Variants in ATG16L2 observed in about 807,000 individuals in gnomAD.
ATG16L2 encodes the protein protein Atg16l2.
ATG16L2 carries 77 observed loss-of-function variants against 84.7 expected under a neutral mutation model. The observed-to-expected ratio is 0.91, with a 90% CI of 0.76 to 1.10. The LOEUF (loss-of-function observed/expected upper bound fraction) is 1.10, where lower values mean the gene tolerates loss of function less well. ATG16L2 is among the 50% of genes least tolerant of loss of function. The pLI is 0.00. For synonymous variants in ATG16L2, 361 were observed against 342.8 expected, an observed-to-expected ratio of 1.05 and a Z score of -0.59; for missense variants, 782 against 817.6, an observed-to-expected ratio of 0.96 and a Z score of 0.53.
In ATG16L2 at chr11:72,822,001, G is replaced by A; in HGVS notation, c.393-43G>A. ...AGGCATATTCCCACTGGGCAGTGAC[G>A]GGGGAAGCTTGGGACCCGCTATCCG... On this transcript the variant is annotated intron_variant, in intron 4 of 17. Coordinates refer to ENST00000321297, the MANE Select transcript of ATG16L2 (RefSeq NM_033388.2). The surrounding 1 kb of genome is among the most constrained non-coding windows in gnomAD (Gnocchi z 4.2). 1 of 1,467,566 alleles carries A rather than the reference G, an allele frequency of 6.8e-7. No homozygotes were observed. Among genetic ancestry groups the A allele is most frequent in the Non-Finnish European group, 8.9e-7 (1 of 1,122,012 alleles). 90.9% of individuals were successfully genotyped at this position (1,467,566 alleles called of 1,614,324 possible).
chr11:72,816,681 G>A, intron 1 of ATG16L2, 47 bp from the exon 2 acceptor site: 1 of 1,476,510 alleles, frequency 6.8e-7, no homozygotes, highest in South Asian at 1.1e-5. Context: ...CCAGGGGGCT[G>A]CTGGGTATCT....
chr11:72,833,945 T>TC (rs397954866), downstream of ATG16L2, among the ~76,000 whole-genome samples: 6 of 150,944 alleles, frequency 4.0e-5, no homozygotes, highest in East Asian at 3.9e-4. Flanking sequence ...TTTTTTTTTT[T>TC]CAGGAAAATA....
At chr11:72,842,865 T>C (rs1377011341) in exon 6 of ATG16L2, 1 of 1,587,836 alleles carries the variant, frequency 6.3e-7, no homozygotes, top group Admixed American at 1.7e-5. Flanking sequence ...GAAAAACAAA[T>C]CTGGTAAGAT....
At chr11:72,819,847 G>A (rs1022240637) in intron 3 of ATG16L2, among the ~76,000 whole-genome samples, 2 of 151,888 alleles carry the variant, frequency 1.3e-5, no homozygotes, top group Non-Finnish European at 2.9e-5. Context: ...CCGGGTTCAC[G>A]CCATTCTCCT....
intron 5 of ATG16L2, among the ~76,000 whole-genome samples, chr11:72,834,665 C>G (rs192083168): frequency 6.7e-4 from 102 of 152,134 alleles, no homozygotes; most frequent in African/African-American, 2.4e-3. Context: ...TCACCGCAAC[C>G]TCTGCCTCCT....
chr11:72,829,660 C>T (rs1191850775), downstream of ATG16L2: 3 of 1,238,704 alleles, frequency 2.4e-6, no homozygotes, highest in Non-Finnish European at 3.1e-6. Flanking sequence ...CTCTTTGCAG[C>T]ATTCATGGTA....
At chr11:72,829,227 CCAG>C in intron 17 of ATG16L2, 73 bp from the exon 18 acceptor site, 1 of 1,507,436 alleles carries the variant, frequency 6.6e-7, no homozygotes, top group Non-Finnish European at 9.1e-7. Flanking sequence ...CTACCCAGGT[CCAG>C]CAGTCGGGGC....
chr11:72,824,377 C>T (rs1860206750), intron 8 of ATG16L2: 2 of 582,816 alleles, frequency 3.4e-6, no homozygotes, highest in African/African-American at 1.9e-5. Flanking sequence ...GCTCCAGCCT[C>T]AGGCAGGGCA....
At chr11:72,826,468 G>T (rs772397859) in intron 11 of ATG16L2, 50 bp from the exon 12 acceptor site, 3 of 1,609,836 alleles carry the variant, frequency 1.9e-6, no homozygotes, top group South Asian at 2.2e-5. Flanking sequence ...GTGGCCCGAA[G>T]AATGTTGCCT....
intron 5 of ATG16L2, among the ~76,000 whole-genome samples, chr11:72,835,244 C>T (rs1451281273): frequency 1.3e-5 from 2 of 152,192 alleles, no homozygotes; most frequent in African/African-American, 4.8e-5. Context: ...GTCCTGACAG[C>T]CCTTCCCACA....
chr11:72,830,485 T>TTTG (rs975422985), downstream of ATG16L2, among the ~76,000 whole-genome samples: 10 of 152,234 alleles, frequency 6.6e-5, no homozygotes, highest in African/African-American at 1.7e-4. Flanking sequence ...CAGAGTGACT[T>TTTG]TTGTTGTTGT....
chr11:72,823,109 C>G, intron 7 of ATG16L2, 148 bp downstream of exon 7: 1 of 606,680 alleles, frequency 1.6e-6, no homozygotes. Context: ...CAGGGCTAGT[C>G]TGACCTCCAT....
chr11:72,816,524 G>A (rs1368660156), intron 1 of ATG16L2, among the ~76,000 whole-genome samples: 1 of 152,310 alleles, frequency 6.6e-6, no homozygotes, highest in East Asian at 1.9e-4. Context: ...GGGGACCGGT[G>A]CTATGAGGAC....
chr11:72,824,324 A>T lies in ATG16L2; in HGVS notation c.887+202A>T. 3 of 634,352 alleles carry T rather than the reference A, an allele frequency of 4.7e-6. No individual in the cohort carries two copies. The Admixed American group carries it at 8.0e-5, about 17-fold the overall frequency. The allele number at this position is 634,352 out of a possible 1,614,324, so 39.3% of individuals were successfully genotyped here. A position where few individuals can be genotyped will look rare whatever the true frequency, so the allele number is the denominator to read the frequency against. ...CAGCTGTCTTCCAGGTTCTGTCCTCACAAGGGTCTGTCTTCATCCAAGGTC... is the reference window on the plus strand; with the variant it reads ...CAGCTGTCTTCCAGGTTCTGTCCTCTCAAGGGTCTGTCTTCATCCAAGGTC... On this transcript the variant is annotated intron_variant, in intron 8 of 17. Coordinates refer to ENST00000321297, the MANE Select transcript of ATG16L2 (RefSeq NM_033388.2).
chr11:72,825,245 C>T (rs986974517), intron 9 of ATG16L2, 57 bp from the exon 10 acceptor site: 3 of 1,370,608 alleles, frequency 2.2e-6, no homozygotes, highest in African/African-American at 2.9e-5. Context: ...GGCCCGTGAG[C>T]ACTCACAGAG....
At chr11:72,840,619 T>C (rs1860894568) in intron 5 of ATG16L2, among the ~76,000 whole-genome samples, 1 of 152,222 alleles carries the variant, frequency 6.6e-6, no homozygotes, top group African/African-American at 2.4e-5. Flanking sequence ...GTTTGTTCTA[T>C]TCTAAATCAC....
At position 72,822,144 on chromosome 11, in the gene ATG16L2, G is replaced by A. The variant is rs961962988; in HGVS notation, c.493G>A (p.Ala165Thr). Residue 165 changes from alanine to threonine, a missense_variant, in exon 5 of 18, where the codon GCA (alanine) becomes ACA (threonine). Coordinates refer to ENST00000321297, the MANE Select transcript of ATG16L2 (RefSeq NM_033388.2). The surrounding 1 kb of genome is among the most constrained non-coding windows in gnomAD (Gnocchi z 4.2). ...GCGGGCGCAGAATGCGGTGCAGCGG[G>A]CAGCCTACGAGGCGCTGCGCGCGCA... is the stretch of plus-strand genomic sequence containing the variant. ...EWRAQNAVQR[A>T]AYEALRAHVG... 12 of 1,500,318 alleles carry A rather than the reference G, an allele frequency of 8.0e-6. No homozygotes were observed. The highest frequency in any genetic ancestry group is 5.1e-5 in the East Asian group (2 of 39,284). The allele number at this position is 1,500,318 out of a possible 1,614,324, so 92.9% of individuals were successfully genotyped here. A position where few individuals can be genotyped will look rare whatever the true frequency, so the allele number is the denominator to read the frequency against.
At chr11:72,839,547 C>T (rs962468451) in intron 5 of ATG16L2, among the ~76,000 whole-genome samples, 2 of 152,034 alleles carry the variant, frequency 1.3e-5, no homozygotes, top group African/African-American at 4.8e-5. Context: ...GAAAGATTTG[C>T]GAGCTCTCTG....
Position 72,828,961 on chromosome 11 carries a change from G to A in ATG16L2, c.1749G>A (p.Glu583=), listed in dbSNP as rs767118900. Reference sequence around the variant, plus strand: ...GGGATGTGGACACCGGGAAACTGGAGAGCAGACTACAGGGACCCCATTGGT... The same window carrying A: ...GGGATGTGGACACCGGGAAACTGGAAAGCAGACTACAGGGACCCCATTGGT... ...YIWDVDTGKL[E]SRLQGPHCAA... Residue 583 remains glutamate (E), a synonymous_variant, in exon 17 of 18, where the codon GAG becomes GAA. Transcript: ENST00000321297. 9 of 1,614,060 alleles carry A rather than the reference G, an allele frequency of 5.6e-6. No homozygotes were observed. The South Asian group carries it at 9.9e-5, about 18-fold the overall frequency.
Sources: gnomAD v4.1 joint callset for allele counts (sites outside exome capture counted in the v4.1 genomes callset) on GRCh38, gnomAD v4.1.1 for gene constraint, Gnocchi (gnomAD v3.1) non-coding constraint, MANE v1.5 for transcripts, NCBI Gene and HGNC (gene_info 2026-07-23, HGNC 2026-07-21) for gene names.